The following TMCC1 variants were observed in gnomAD, a reference collection of about 807,000 sequenced individuals.
TMCC1 encodes transmembrane and coiled-coil domains protein 1.
In TMCC1, 15 loss-of-function variants were observed where a neutral mutation model predicts 52.4. That is an observed-to-expected ratio of 0.29 (90% CI 0.19 to 0.44). The LOEUF (loss-of-function observed/expected upper bound fraction) is 0.44. TMCC1 is among the 20% of genes least tolerant of loss of function. TMCC1 has a pLI of 1.00. For missense variants in TMCC1, 503 were observed against 806.0 expected (o/e 0.62, Z 4.55); for synonymous variants, 279 against 301.9 (o/e 0.92, Z 0.79).
At chr3:129,741,378 T>C (rs1362876417) in intron 4 of TMCC1, among the ~76,000 whole-genome samples, 1 of 152,158 alleles carries the variant, frequency 6.6e-6, no homozygotes, top group African/African-American at 2.4e-5. Flanking sequence ...TCCAAAGTAA[T>C]TTGACATTAT....
At chr3:129,723,731 T>C (rs1032962133) in intron 4 of TMCC1, among the ~76,000 whole-genome samples, 1 of 152,220 alleles carries the variant, frequency 6.6e-6, no homozygotes, top group African/African-American at 2.4e-5. Context: ...GAAACACATA[T>C]TATGCTTCTC....
At chr3:129,799,282 T>C (rs1295490501) in intron 4 of TMCC1, among the ~76,000 whole-genome samples, 1 of 152,168 alleles carries the variant, frequency 6.6e-6, no homozygotes, top group African/African-American at 2.4e-5. Context: ...AAAAAACTTG[T>C]ATCATGCGTT....
At chr3:129,804,258 C>T (rs2057340911) in intron 4 of TMCC1, among the ~76,000 whole-genome samples, 1 of 152,234 alleles carries the variant, frequency 6.6e-6, no homozygotes, top group African/African-American at 2.4e-5. Flanking sequence ...GCCTTAAAGT[C>T]TAACTCGCCT....
chr3:129,876,605 G>C (rs1396896411), intron 2 of TMCC1, among the ~76,000 whole-genome samples: 1 of 151,840 alleles, frequency 6.6e-6, no homozygotes, highest in Non-Finnish European at 1.5e-5. Flanking sequence ...ACCAGCCTGG[G>C]CAACATATGC....
chr3:129,832,755 C>CA lies in TMCC1; in HGVS notation c.-131+18dup, dbSNP rs1262011926. The stretch of plus-strand genomic sequence containing the variant: ...GAACCAAGTTAAATTTCACTGACTA[C>CA]AAAGAGTTGGATACTTGCCTTCATC... On this transcript the variant is annotated intron_variant, in intron 3 of 6. Coordinates refer to ENST00000393238, the MANE Select transcript of TMCC1 (RefSeq NM_001017395.5). The CA allele has an allele frequency of 2.1e-4, 32 of 152,078 alleles. No homozygotes were observed. Among genetic ancestry groups the CA allele is most frequent in the Non-Finnish European group, 8.8e-5 (6 of 68,028 alleles). The allele number at this position is 152,078 out of a possible 1,614,324, so 9.4% of individuals were successfully genotyped here.
rs71155564 is a variant in TMCC1, at chr3:129,678,359, CT to C, written c.577-7096del. 2.9e-4 allele frequency among the ~76,000 whole-genome samples: 34 copies of C among 117,188 alleles called. No individual in the cohort carries two copies. In the East Asian group the frequency reaches 3.0e-3, roughly 10 times the overall value. The allele number at this position is 117,188 out of a possible 152,430, so 76.9% of individuals were successfully genotyped here. A position where few individuals can be genotyped will look rare whatever the true frequency, so the allele number is the denominator to read the frequency against. On this transcript the variant is annotated intron_variant, in intron 4 of 6. Transcript: ENST00000393238. ...CCCTTGGCATGTACATTGTTTAATT[CT>C]TTTTTTTTTTTTTTTTTTGAGATGG...
chr3:129,833,425 C>T (rs2059011303), intron 2 of TMCC1, among the ~76,000 whole-genome samples: 1 of 152,102 alleles, frequency 6.6e-6, no homozygotes, highest in Admixed American at 6.5e-5. Context: ...TAAAGATTAG[C>T]CAGGCATGGT....
At chr3:129,678,960 C>A (rs780178307) in intron 4 of TMCC1, among the ~76,000 whole-genome samples, 1 of 152,190 alleles carries the variant, frequency 6.6e-6, no homozygotes, top group Non-Finnish European at 1.5e-5. Flanking sequence ...TTACGACACT[C>A]TTTTTATACC....
chr3:129,752,013 A>G (rs947868491), intron 4 of TMCC1, among the ~76,000 whole-genome samples: 1 of 152,314 alleles, frequency 6.6e-6, no homozygotes, highest in East Asian at 1.9e-4. Flanking sequence ...GTTAGAAGAT[A>G]TTTATTTAAT....
chr3:129,676,494 T>C (rs566135866), intron 4 of TMCC1, among the ~76,000 whole-genome samples: 15 of 152,334 alleles, frequency 9.8e-5, no homozygotes, highest in Middle Eastern at 3.4e-3. Context: ...TCTGAATTAA[T>C]TGACAGAAAA....
At position 129,858,358 on chromosome 3, in the gene TMCC1, A is replaced by G. The variant is rs542749957; in HGVS notation, c.-184+21951T>C. ...AGGAACCTTAAGGATCATTTCTACT[A>G]TAATTTCCCATTTTACATTTTTGGT... On this transcript the variant is annotated intron_variant, in intron 2 of 6. Coordinates refer to ENST00000393238, the MANE Select transcript of TMCC1 (RefSeq NM_001017395.5). 6.1e-5 allele frequency among the ~76,000 whole-genome samples: 7 copies of G among 114,810 alleles called. No homozygotes were observed. The East Asian group carries it at 1.8e-3, about 30-fold the overall frequency. 75.3% of individuals were successfully genotyped at this position (114,810 alleles called of 152,430 possible). A position where few individuals can be genotyped will look rare whatever the true frequency, so the allele number is the denominator to read the frequency against.
intron 4 of TMCC1, among the ~76,000 whole-genome samples, chr3:129,684,124 G>A (rs1049268537): frequency 3.9e-5 from 6 of 152,334 alleles, no homozygotes; most frequent in African/African-American, 7.2e-5. Flanking sequence ...GCTTAAATAT[G>A]TAAATGGTAT....
chr3:129,728,440 C>T (rs1192967240), intron 4 of TMCC1, among the ~76,000 whole-genome samples: 2 of 152,140 alleles, frequency 1.3e-5, no homozygotes. Flanking sequence ...CGCCGGCCAC[C>T]ACGCCCAGCT....
At chr3:129,705,983 C>T (rs1230375254) in intron 4 of TMCC1, among the ~76,000 whole-genome samples, 1 of 151,630 alleles carries the variant, frequency 6.6e-6, no homozygotes, top group Non-Finnish European at 1.5e-5. Context: ...CTTTGCCTCC[C>T]AGGTTCAAGC....
intron 4 of TMCC1, among the ~76,000 whole-genome samples, chr3:129,682,732 T>A (rs2089099797): frequency 6.6e-6 from 1 of 152,212 alleles, no homozygotes. Flanking sequence ...TGTCCTCGCC[T>A]CTCTTTCAAA....
chr3:129,884,870 T>TG (rs1280030677), intron 1 of TMCC1, among the ~76,000 whole-genome samples: 1 of 152,114 alleles, frequency 6.6e-6, no homozygotes, highest in Non-Finnish European at 1.5e-5. Flanking sequence ...CAGGGCGTAG[T>TG]GGCTCATACC....
intron 4 of TMCC1, among the ~76,000 whole-genome samples, chr3:129,760,529 G>C (rs1305366212): frequency 6.6e-6 from 1 of 150,456 alleles, no homozygotes; most frequent in Non-Finnish European, 1.5e-5. Context: ...GCCCAGGCTG[G>C]AGTAGTGGCG....
intron 4 of TMCC1, among the ~76,000 whole-genome samples, chr3:129,808,492 A>G (rs923024429): frequency 9.2e-5 from 14 of 151,374 alleles, no homozygotes; most frequent in African/African-American, 2.2e-4. Context: ...AAATAATAAT[A>G]ATAATAATAA....
chr3:129,822,939 A>G (rs540504192), intron 4 of TMCC1, among the ~76,000 whole-genome samples: 1 of 152,338 alleles, frequency 6.6e-6, no homozygotes, highest in East Asian at 1.9e-4. Context: ...CTTCCTCATT[A>G]TTACAGTTTT....
Sources: allele counts gnomAD v4.1 joint callset (sites outside exome capture counted in the v4.1 genomes callset), GRCh38; gene constraint gnomAD v4.1.1; transcripts MANE v1.5; gene names NCBI Gene and HGNC (gene_info 2026-07-23, HGNC 2026-07-21).